USP25: variants seen among roughly 807,000 people sequenced by gnomAD.
USP25 encodes ubiquitin carboxyl-terminal hydrolase 25.
Under a neutral mutation model 158.5 loss-of-function variants are expected in USP25, and 85 were observed. The observed-to-expected ratio is 0.54, with a 90% CI of 0.45 to 0.64. The LOEUF (loss-of-function observed/expected upper bound fraction) is 0.64, where lower values mean the gene tolerates loss of function less well. Ranked by LOEUF, USP25 falls within the 30% of genes least tolerant of loss-of-function variation. USP25 has a pLI of 0.00. For synonymous variants in USP25, 464 were observed against 460.4 expected (o/e 1.01, Z -0.10); for missense variants, 1,242 against 1,327.3 (o/e 0.94, Z 1.00).
chr21:15,864,255 T>C lies in USP25; in HGVS notation c.2548-13T>C, dbSNP rs907619849. On this transcript the variant is annotated splice_polypyrimidine_tract_variant and intron_variant, in intron 20 of 25. Coordinates refer to ENST00000400183, the MANE Select transcript of USP25 (RefSeq NM_001283041.3). Reference sequence around the variant, plus strand: ...TAATTAACCAAAATTATCATTTTCATTGCATTTTCCAGGCAATTAAGTTGG... The same window carrying C: ...TAATTAACCAAAATTATCATTTTCACTGCATTTTCCAGGCAATTAAGTTGG... 1 of 1,590,148 alleles carries C rather than the reference T, an allele frequency of 6.3e-7. No homozygotes were observed.
intron 17 of USP25, 61 bp from the exon 18 acceptor site, chr21:15,842,337 T>G (rs2038374605): frequency 6.6e-7 from 1 of 1,506,384 alleles, no homozygotes; most frequent in Non-Finnish European, 8.9e-7. Context: ...AATAAAAGAT[T>G]TATCTTAGTA....
In USP25 at chr21:15,778,037, T is replaced by G. The variant is rs2034757134; in HGVS notation, c.392+10T>G. ...AACAAGCCATTAGCAGGTAAAAACA[T>G]AATTTGTATAAAGCAGATATAAGTA... On this transcript the variant is annotated intron_variant, in intron 4 of 25. Coordinates refer to ENST00000400183, the MANE Select transcript of USP25 (RefSeq NM_001283041.3). The G allele has an allele frequency of 6.3e-7, 1 of 1,588,192 alleles. No homozygotes were observed. Among genetic ancestry groups the G allele is most frequent in the African/African-American group, 1.4e-5 (1 of 73,358 alleles).
At chr21:15,792,220 A>C (rs116691460) in intron 5 of USP25, among the ~76,000 whole-genome samples, 1 of 151,812 alleles carries the variant, frequency 6.6e-6, no homozygotes, top group Admixed American at 6.6e-5. Flanking sequence ...CCTTAATGAT[A>C]CATTTCTTGA....
rs1325019470 is a variant in USP25 at position 15,816,401 on chromosome 21, T to C, written c.932-2297T>C. Among the ~76,000 whole-genome samples, 3 of 152,212 alleles carry C rather than the reference T, an allele frequency of 2.0e-5. No homozygotes were observed. Among genetic ancestry groups the C allele is most frequent in the Non-Finnish European group, 4.4e-5 (3 of 68,020 alleles). On this transcript the variant is annotated intron_variant, in intron 9 of 25. Transcript: ENST00000400183. This position sits in a 1 kb window ranked among gnomAD's most constrained non-coding sequence, Gnocchi z 4.0. ...TAATACACTTTCCATATTGAATTCT[T>C]ACCAGTTGTTAATGCTGATGACTCT...
intron 1 of USP25, among the ~76,000 whole-genome samples, chr21:15,757,651 A>G (rs981091819): frequency 4.6e-5 from 7 of 152,174 alleles, no homozygotes; most frequent in African/African-American, 1.2e-4. Context: ...TTCTTAGGCA[A>G]GTGGGCTACC....
Position 15,730,356 on chromosome 21 carries a change from GCGCCACCGC to G in USP25, c.-33_-25del, listed in dbSNP as rs1555817370. ...GGCCGGCGGAGGCGCGAGGAGCCGG[GCGCCACCGC>G]CGCCGCCGCCGCCGCCGCCGCGGGG... is the stretch of plus-strand genomic sequence containing the variant. On this transcript the variant is annotated 5_prime_UTR_variant, in exon 1 of 26. Transcript: ENST00000400183. The G allele has an allele frequency of 2.6e-5, 30 of 1,171,382 alleles. No homozygotes were observed. The highest frequency in any genetic ancestry group is 1.6e-4 in the African/African-American group (9 of 57,684). The allele number at this position is 1,171,382 out of a possible 1,614,324, so 72.6% of individuals were successfully genotyped here.
intron 1 of USP25, among the ~76,000 whole-genome samples, chr21:15,733,687 C>G (rs1255897499): frequency 6.6e-6 from 1 of 151,994 alleles, no homozygotes. Flanking sequence ...ACTAAAAATA[C>G]AAAAATTAGC....
At chr21:15,752,555 T>C (rs2033102204) in intron 1 of USP25, among the ~76,000 whole-genome samples, 1 of 152,156 alleles carries the variant, frequency 6.6e-6, no homozygotes, top group Non-Finnish European at 1.5e-5. Flanking sequence ...ATGATGCAGA[T>C]ATGGTTGAAA....
At chr21:15,749,819 C>T (rs751494081) in intron 1 of USP25, among the ~76,000 whole-genome samples, 2 of 152,156 alleles carry the variant, frequency 1.3e-5, no homozygotes, top group Non-Finnish European at 2.9e-5. Context: ...AGTCTATGAG[C>T]AAGGGACAAA....
At chr21:15,857,445 T>TACAGTTATA (rs2039207903) in intron 20 of USP25, among the ~76,000 whole-genome samples, 1 of 152,132 alleles carries the variant, frequency 6.6e-6, no homozygotes, top group Admixed American at 6.5e-5. Context: ...ACTATTGATA[T>TACAGTTATA]TTGCCTAAAA....
chr21:15,827,822 C>T (rs1461971706), intron 14 of USP25, among the ~76,000 whole-genome samples: 2 of 145,598 alleles, frequency 1.4e-5, no homozygotes, highest in Non-Finnish European at 3.0e-5. Flanking sequence ...GCCATCTGTC[C>T]TTTCTTGGAA....
chr21:15,874,307 A>G, intron 23 of USP25, 96 bp from the exon 24 acceptor site: 3 of 1,135,246 alleles, frequency 2.6e-6, no homozygotes, highest in Non-Finnish European at 3.7e-6. Context: ...GATTATCAAA[A>G]CTTAAGCATA....
intron 1 of USP25, among the ~76,000 whole-genome samples, chr21:15,733,260 A>G (rs977057631): frequency 2.6e-5 from 4 of 150,982 alleles, no homozygotes; most frequent in African/African-American, 9.7e-5. Context: ...ACAGGATACT[A>G]TTTAATTAAA....
At chr21:15,861,635 TA>T (rs763416374) in intron 20 of USP25, among the ~76,000 whole-genome samples, 7 of 152,170 alleles carry the variant, frequency 4.6e-5, no homozygotes, top group Non-Finnish European at 1.0e-4. Context: ...GATTCCAGTA[TA>T]TTTTAAAAGC....
intron 8 of USP25, among the ~76,000 whole-genome samples, chr21:15,809,227 G>A (rs1193716507): frequency 6.6e-6 from 1 of 152,176 alleles, no homozygotes; most frequent in East Asian, 1.9e-4. Flanking sequence ...GGGATATGAA[G>A]TAGCAGTGCA....
chr21:15,826,743 T>TAAA lies in USP25; in HGVS notation c.1467-234_1467-233insAAA, dbSNP rs1326358609. Among the ~76,000 whole-genome samples, 1 of 152,206 alleles carries TAAA rather than the reference T, an allele frequency of 6.6e-6. No individual in the cohort carries two copies. Among genetic ancestry groups the TAAA allele is most frequent in the African/African-American group, 2.4e-5 (1 of 41,460 alleles). On this transcript the variant is annotated intron_variant, in intron 13 of 25. Coordinates refer to ENST00000400183, the MANE Select transcript of USP25 (RefSeq NM_001283041.3). This position sits in a 1 kb window ranked among gnomAD's most constrained non-coding sequence, Gnocchi z 4.8. Reference sequence around the variant, plus strand: ...ATCACCATGCGTAAGATTTTCTTGTTTTTTAGAAATAAATATGATTAAGCT... The same window carrying TAAA: ...ATCACCATGCGTAAGATTTTCTTGTTAAATTTTAGAAATAAATATGATTAAGCT...
In USP25 at chr21:15,869,377, T is replaced by C. The variant is rs141226029; in HGVS notation, c.2806-691T>C. Among the ~76,000 whole-genome samples, 80 of 152,322 alleles carry C rather than the reference T, an allele frequency of 5.3e-4. 4 individuals carry two copies. The East Asian group carries it at 0.014, about 26-fold the overall frequency. The stretch of plus-strand genomic sequence containing the variant: ...TTATCAGTATTCACTTTCCAATTTA[T>C]CCTACATTGAATTTCAGTTATTTTT... On this transcript the variant is annotated intron_variant, in intron 22 of 25. Coordinates refer to ENST00000400183, the MANE Select transcript of USP25 (RefSeq NM_001283041.3).
Position 15,730,223 on chromosome 21 carries a change from G to T in USP25, c.-171G>T, listed in dbSNP as rs1322295817. The T allele has an allele frequency of 1.4e-6, 1 of 694,612 alleles. No homozygotes were observed. Among genetic ancestry groups the T allele is most frequent in the East Asian group, 1.4e-4 (1 of 7,380 alleles). 43.0% of individuals were successfully genotyped at this position (694,612 alleles called of 1,614,324 possible). On this transcript the variant is annotated 5_prime_UTR_variant, in exon 1 of 26. Coordinates refer to ENST00000400183, the MANE Select transcript of USP25 (RefSeq NM_001283041.3). ...GTCGGCGTTTCGCCGCCTGCCCGCG[G>T]TGCCCGCGCACGCCGGCCGCCATCG...
At chr21:15,788,627 C>T (rs573022165) in intron 4 of USP25, among the ~76,000 whole-genome samples, 24 of 152,096 alleles carry the variant, frequency 1.6e-4, no homozygotes, top group African/African-American at 5.5e-4. Flanking sequence ...CCTACTGAGG[C>T]ATGCTGTAAA....
Sources: gnomAD v4.1 joint callset for allele counts (sites outside exome capture counted in the v4.1 genomes callset) on GRCh38, gnomAD v4.1.1 for gene constraint, Gnocchi (gnomAD v3.1) non-coding constraint, MANE v1.5 for transcripts, NCBI Gene and HGNC (gene_info 2026-07-23, HGNC 2026-07-21) for gene names.